The following SDR9C7 variants were observed in gnomAD, a reference collection of about 807,000 sequenced individuals.
SDR9C7 encodes the protein short chain dehydrogenase/reductase family 9C member 7.
A neutral mutation model predicts 23.6 loss-of-function variants in SDR9C7; 11 were observed. That is an observed-to-expected ratio of 0.47 (90% CI 0.29 to 0.77). SDR9C7 has a LOEUF of 0.77. SDR9C7 is among the 30% of genes least tolerant of loss of function. SDR9C7 has a pLI of 0.09. For missense variants in SDR9C7, 387 were observed against 407.1 expected, an observed-to-expected ratio of 0.95 and a Z score of 0.42; for synonymous variants, 167 against 157.3, an observed-to-expected ratio of 1.06 and a Z score of -0.46.
In SDR9C7 at chr12:56,930,466, T is replaced by A; in HGVS notation, c.320A>T (p.Asn107Ile). 6.2e-7 allele frequency: 1 copy of A among 1,614,126 alleles called. No individual in the cohort carries two copies. The highest frequency in any genetic ancestry group is 8.5e-7 in the Non-Finnish European group (1 of 1,179,996). ...VGEQGLWALV[N>I]NAGVGLPSGP... ...ACTGGGCAGGCCCACACCAGCATTG[T>A]TCACCAGGGCCCAGAGGCCTGGGGG... The change falls in exon 2 of 4, where the codon AAC becomes ATC. Residue 107 changes from asparagine to isoleucine, a missense_variant. Asn to Ile is a moderately radical substitution (Grantham distance 149). Coordinates refer to ENST00000293502, the MANE Select transcript of SDR9C7 (RefSeq NM_148897.3).
Position 56,924,010 on chromosome 12 carries a change from G to C in SDR9C7, c.765C>G (p.Pro255=). The part of the protein sequence containing the change: ...KLKNIMQVAE[P]RVRDVINSME... ...TGCTGTTGATGACATCTCTGACTCT[G>C]GGCTCTGCCACCTGCATTATGTTTT... Residue 255 remains proline (P), a synonymous_variant, in exon 4 of 4, where the codon CCC becomes CCG. Transcript: ENST00000293502. The C allele has an allele frequency of 2.5e-6, 4 of 1,613,930 alleles. No individual in the cohort carries two copies. The highest frequency in any genetic ancestry group is 3.4e-6 in the Non-Finnish European group (4 of 1,179,936).
In SDR9C7 at chr12:56,933,954, G is replaced by A. The variant is rs141222399; in HGVS notation, c.301+7C>T. The A allele has an allele frequency of 3.0e-4, 480 of 1,600,736 alleles. 1 individual carries two copies. The highest frequency in any genetic ancestry group is 3.4e-4 in the Non-Finnish European group (395 of 1,170,292). ...CCAAGAAAGCCAAAGAATGTAATTC[G>A]CCCCACCTTGTTCGCCCACTTTGTC... is the stretch of plus-strand genomic sequence containing the variant. On this transcript the variant is annotated splice_region_variant and intron_variant, in intron 1 of 3. Transcript: ENST00000293502.
intron 3 of SDR9C7, among the ~76,000 whole-genome samples, chr12:56,927,324 A>G (rs1360974929): frequency 1.3e-5 from 2 of 152,232 alleles, no homozygotes; most frequent in Non-Finnish European, 2.9e-5. Flanking sequence ...TGAGGTTTCC[A>G]GACACTGGCT....
rs1222113153 is a variant in SDR9C7 at position 56,923,284 on chromosome 12, C to T, written c.*549G>A. The T allele has an allele frequency of 2.0e-5, 3 of 152,280 alleles. No homozygotes were observed. The highest frequency in any genetic ancestry group is 7.2e-5 in the African/African-American group (3 of 41,408). The allele number at this position is 152,280 out of a possible 1,614,324, so 9.4% of individuals were successfully genotyped here. ...GTTATTTCATGTGGATCCCAATAAC[C>T]TATAGATAGAAGAATCTAAAAAGAA... On this transcript the variant is annotated 3_prime_UTR_variant, in exon 4 of 4. Coordinates refer to ENST00000293502, the MANE Select transcript of SDR9C7 (RefSeq NM_148897.3).
chr12:56,931,849 C>A (rs1362082875), intron 1 of SDR9C7, among the ~76,000 whole-genome samples: 1 of 152,192 alleles, frequency 6.6e-6, no homozygotes, highest in Non-Finnish European at 1.5e-5. Flanking sequence ...ATCCCACTGT[C>A]TCCTGAGGGC....
rs1955761912 is a variant in SDR9C7 at position 56,930,395 on chromosome 12, T to G, written c.391A>C (p.Asn131His). The change falls in exon 2 of 4, where the codon AAT becomes CAT. Residue 131 changes from asparagine (N) to histidine (H), a missense_variant. Physicochemically the swap from Asn to His is moderately conservative, Grantham distance 68. Transcript: ENST00000293502. Reference protein sequence around the residue: ...LTKDDFVKVINVNLVGLIEVT... With the variant: ...LTKDDFVKVIHVNLVGLIEVT... ...TCGATCAGTCCCACCAGGTTCACAT[T>G]AATCACCTTCACAAAGTCATCCTTG... is the stretch of plus-strand genomic sequence containing the variant. The G allele has an allele frequency of 5.6e-6, 9 of 1,614,002 alleles. No homozygotes were observed. Among genetic ancestry groups the G allele is most frequent in the African/African-American group, 1.3e-5 (1 of 74,886 alleles).
At chr12:56,933,637 C>T (rs759790285) in intron 1 of SDR9C7, among the ~76,000 whole-genome samples, 2 of 152,230 alleles carry the variant, frequency 1.3e-5, no homozygotes, top group East Asian at 1.9e-4. Flanking sequence ...GGCTCATAGG[C>T]GTGAGCCACC....
At chr12:56,924,453 T>C (rs796325009) in intron 3 of SDR9C7, among the ~76,000 whole-genome samples, 4 of 151,846 alleles carry the variant, frequency 2.6e-5, no homozygotes, top group Non-Finnish European at 5.9e-5. Context: ...AATAAATAAA[T>C]AAACAAATAG....
chr12:56,929,489 T>C lies in SDR9C7; in HGVS notation c.625A>G (p.Ile209Val). The change falls in exon 3 of 4, where the codon ATT (isoleucine) becomes GTT (valine). Residue 209 changes from isoleucine to valine, a missense_variant. Physicochemically the swap from Ile to Val is conservative, Grantham distance 29. Coordinates refer to ENST00000293502, the MANE Select transcript of SDR9C7 (RefSeq NM_148897.3). ...GACTCCAGGTTCTCCTTGCCGAGAA[T>C]GGCTGTCCGATAGTTCCCTGGCTCA... ...IIEPGNYRTA[I>V]LGKENLESRM... is the part of the protein sequence containing the mutation. The C allele has an allele frequency of 1.2e-6, 2 of 1,613,826 alleles. No individual in the cohort carries two copies. The highest frequency in any genetic ancestry group is 1.7e-6 in the Non-Finnish European group (2 of 1,179,730).
intron 3 of SDR9C7, among the ~76,000 whole-genome samples, chr12:56,925,711 C>A (rs1227429858): frequency 6.6e-6 from 1 of 152,256 alleles, no homozygotes; most frequent in African/African-American, 2.4e-5. Context: ...ACCCTGACCT[C>A]TGACCGTAGA....
chr12:56,931,793 G>A (rs2629413), intron 1 of SDR9C7, among the ~76,000 whole-genome samples: 2 of 151,690 alleles, frequency 1.3e-5, no homozygotes, highest in South Asian at 4.2e-4. Context: ...CTGGTGATTC[G>A]CACCACAGCC....
At chr12:56,927,121 A>G (rs1306777331) in intron 3 of SDR9C7, among the ~76,000 whole-genome samples, 1 of 152,188 alleles carries the variant, frequency 6.6e-6, no homozygotes, top group Non-Finnish European at 1.5e-5. Flanking sequence ...TTTCCTCTGA[A>G]ATTATGGTGT....
At chr12:56,930,192 C>T in intron 2 of SDR9C7, 34 bp downstream of exon 2, 1 of 1,606,592 alleles carries the variant, frequency 6.2e-7, no homozygotes, top group Non-Finnish European at 8.5e-7. Flanking sequence ...CTGGGATTTT[C>T]ACCCAGAATT....
intron 1 of SDR9C7, among the ~76,000 whole-genome samples, chr12:56,932,888 ACT>A (rs1955776368): frequency 6.6e-6 from 1 of 152,218 alleles, no homozygotes; most frequent in Non-Finnish European, 1.5e-5. Context: ...GCAGGGAGTT[ACT>A]GTCTAGATCC....
rs2136370193 is a variant in SDR9C7, at chr12:56,932,399, G to A, written c.301+1562C>T. On this transcript the variant is annotated intron_variant, in intron 1 of 3. Transcript: ENST00000293502. ...CCAGCTGCCTCTGGAAGCTGGAAAA[G>A]TCGATGAGACGGATTCTCCTCTACA... 1.3e-5 allele frequency among the ~76,000 whole-genome samples: 2 copies of A among 152,338 alleles called. 1 individual carries two copies. Among genetic ancestry groups the A allele is most frequent in the Middle Eastern group, 6.8e-3 (2 of 294 alleles).
chr12:56,932,003 C>T (rs1955771317), intron 1 of SDR9C7, among the ~76,000 whole-genome samples: 3 of 152,186 alleles, frequency 2.0e-5, no homozygotes, highest in African/African-American at 7.2e-5. Flanking sequence ...CTCCCATCCC[C>T]CTACCCACCC....
At chr12:56,930,590 A>G in intron 1 of SDR9C7, 106 bp from the exon 2 acceptor site, 1 of 1,268,198 alleles carries the variant, frequency 7.9e-7, no homozygotes, top group Non-Finnish European at 1.1e-6. Flanking sequence ...GCAGGTGCAC[A>G]AGACATAACT....
At chr12:56,926,765 A>G (rs139431882) in intron 3 of SDR9C7, among the ~76,000 whole-genome samples, 1 of 152,312 alleles carries the variant, frequency 6.6e-6, no homozygotes, top group African/African-American at 2.4e-5. Context: ...TCAGGTCACT[A>G]AAACGTTGCT....
At chr12:56,932,534 C>T (rs1440221680) in intron 1 of SDR9C7, among the ~76,000 whole-genome samples, 1 of 152,202 alleles carries the variant, frequency 6.6e-6, no homozygotes, top group Non-Finnish European at 1.5e-5. Context: ...TGTCTTCAGA[C>T]CCCACAGTTG....
Sources: gnomAD v4.1 joint callset for allele counts (sites outside exome capture counted in the v4.1 genomes callset) on GRCh38, gnomAD v4.1.1 for gene constraint, MANE v1.5 for transcripts, NCBI Gene and HGNC (gene_info 2026-07-23, HGNC 2026-07-21) for gene names.